The following SPTBN5 variants were observed in gnomAD, a reference collection of about 807,000 sequenced individuals.
SPTBN5 encodes spectrin beta, non-erythrocytic 5.
In SPTBN5, 513 loss-of-function variants were observed where a neutral mutation model predicts 477.6. The observed-to-expected ratio is 1.07, with a 90% CI of 1.00 to 1.16. The LOEUF (loss-of-function observed/expected upper bound fraction) is 1.16, where lower values mean the gene tolerates loss of function less well. Ranked by LOEUF, SPTBN5 falls within the 50% of genes most tolerant of loss-of-function variation. The pLI, the probability that SPTBN5 is intolerant of heterozygous loss-of-function variation, is 0.00. For synonymous variants in SPTBN5, 2,169 were observed against 2,011.7 expected (o/e 1.08, Z -2.09); for missense variants, 5,062 against 4,731.8 (o/e 1.07, Z -2.05).
intron 15 of SPTBN5, 29 bp downstream of exon 15, chr15:41,879,705 C>T (rs770299898): frequency 6.2e-7 from 1 of 1,612,176 alleles, no homozygotes; most frequent in Non-Finnish European, 8.5e-7. Context: ...CTGCCTGCCT[C>T]ACCACCTGCA....
At chr15:41,849,546 G>A (rs770171809) in intron 67 of SPTBN5, among the ~76,000 whole-genome samples, 1 of 152,300 alleles carries the variant, frequency 6.6e-6, no homozygotes, top group East Asian at 1.9e-4. Flanking sequence ...ACTGGGCAGA[G>A]GGAAACCTGG....
At chr15:41,860,319 C>A (rs1225964778) in intron 47 of SPTBN5, among the ~76,000 whole-genome samples, 6 of 152,242 alleles carry the variant, frequency 3.9e-5, no homozygotes, top group African/African-American at 1.4e-4. Flanking sequence ...TCCTCTTGGT[C>A]TCCTAGCATA....
Position 41,860,719 on chromosome 15 carries a change from T to C in SPTBN5, c.7855A>G (p.Lys2619Glu). ...APMEPLLWKH[K>E]MLEWDLEVQA... ...ACCTCCAGGTCCCACTCCAGCATCT[T>C]GTGCTTCCACAGAAGGGGCTCCATG... Residue 2619 changes from lysine to glutamate, a missense_variant, in exon 47 of 68, where the codon AAG (lysine) becomes GAG (glutamate). Physicochemically the swap from Lys to Glu is moderately conservative, Grantham distance 56. Transcript: ENST00000320955. 1 of 1,601,108 alleles carries C rather than the reference T, an allele frequency of 6.2e-7. No homozygotes were observed. The highest frequency in any genetic ancestry group is 1.1e-5 in the South Asian group (1 of 88,204).
intron 3 of SPTBN5, 74 bp from the exon 4 acceptor site, chr15:41,890,279 G>T: frequency 1.0e-6 from 1 of 1,004,562 alleles, no homozygotes; most frequent in Non-Finnish European, 1.5e-6. Flanking sequence ...AAGCTTAGGG[G>T]GCCAGCTGCG....
intron 32 of SPTBN5, 124 bp downstream of exon 32, chr15:41,869,717 C>T (rs954429292): frequency 1.6e-5 from 17 of 1,064,626 alleles, no homozygotes; most frequent in Non-Finnish European, 2.1e-5. Context: ...TGTGCTCGTG[C>T]TCTCCCACCC....
Position 41,879,503 on chromosome 15 carries a change from G to A in SPTBN5, c.2943-4C>T. ...CAGGGCCTCCAGCTGCCCCCACCTG[G>A]GCAGAGGGTACAAGGTTGTCTCCAC... On this transcript the variant is annotated splice_region_variant and splice_polypyrimidine_tract_variant and intron_variant, in intron 15 of 67. Transcript: ENST00000320955. The A allele has an allele frequency of 1.9e-6, 3 of 1,555,828 alleles. No homozygotes were observed. The highest frequency in any genetic ancestry group is 2.6e-6 in the Non-Finnish European group (3 of 1,153,700).
chr15:41,851,778 C>A lies in SPTBN5; in HGVS notation c.10656+1G>T. The A allele has an allele frequency of 1.2e-6, 2 of 1,608,426 alleles. No individual in the cohort carries two copies. Among genetic ancestry groups the A allele is most frequent in the Non-Finnish European group, 1.7e-6 (2 of 1,177,828 alleles). ...TGGAGAAGGAATCTCCAGGCACTCA[C>A]CTGCCTCCCGCCAGGCAGCAGGTGC... On this transcript the variant is annotated splice_donor_variant, in intron 63 of 67. Coordinates refer to ENST00000320955, the MANE Select transcript of SPTBN5 (RefSeq NM_016642.4). LOFTEE classifies it high-confidence loss of function.
intron 20 of SPTBN5, 121 bp downstream of exon 20, chr15:41,876,427 G>C: frequency 7.5e-7 from 1 of 1,331,658 alleles, no homozygotes; most frequent in Non-Finnish European, 1.0e-6. Context: ...CTCACAGAAG[G>C]TGTTGAGAGG....
In SPTBN5 at chr15:41,854,875, A is replaced by C; in HGVS notation, c.9525T>G (p.Gly3175=). 6.2e-7 allele frequency: 1 copy of C among 1,609,086 alleles called. No individual in the cohort carries two copies. The highest frequency in any genetic ancestry group is 8.5e-7 in the Non-Finnish European group (1 of 1,177,628). Residue 3175 remains glycine, a synonymous_variant, in exon 56 of 68, where the codon GGT becomes GGG. Transcript: ENST00000320955. The part of the protein sequence containing the change: ...LRKLAGTLER[G]APRRYPHIQA... Reference sequence around the variant, plus strand: ...GGATGTGGGGATAGCGCCTGGGTGCACCCCGCTCCAGGGTGCCTGCCAACT... The same window carrying C: ...GGATGTGGGGATAGCGCCTGGGTGCCCCCCGCTCCAGGGTGCCTGCCAACT...
In SPTBN5 at chr15:41,853,761, C is replaced by T. The variant is rs1394353049; in HGVS notation, c.9801G>A (p.Glu3267=). The change falls in exon 58 of 68, where the codon GAG becomes GAA. Residue 3267 remains glutamate, a synonymous_variant. Coordinates refer to ENST00000320955, the MANE Select transcript of SPTBN5 (RefSeq NM_016642.4). ...AGGCCTCCGTCTGTAGCCGTGCCAC[C>T]TCCTTCTCCATAGCTTCCAGCTCTC... The part of the protein sequence containing the change: ...LERELEAMEK[E]VARLQTEACR... 2 of 1,575,618 alleles carry T rather than the reference C, an allele frequency of 1.3e-6. No individual in the cohort carries two copies. The highest frequency in any genetic ancestry group is 1.3e-5 in the African/African-American group (1 of 74,132).
In SPTBN5 at chr15:41,858,948, C is replaced by T. The variant is rs760551290; in HGVS notation, c.8021G>A (p.Arg2674His). 4.3e-5 allele frequency: 68 copies of T among 1,588,226 alleles called. No individual in the cohort carries two copies. The highest frequency in any genetic ancestry group is 2.3e-5 in the South Asian group (2 of 88,248). ...KEALFRQAGT[R>H]RHRLEELRQL... ...CCGGAGCTCCTCCAGGCGATGGCGGCGGGTCCCGGCTTGCCTGAAGAGCGC... is the reference window on the plus strand; with the variant it reads ...CCGGAGCTCCTCCAGGCGATGGCGGTGGGTCCCGGCTTGCCTGAAGAGCGC... Residue 2674 changes from arginine (R) to histidine (H), a missense_variant, in exon 48 of 68, where the codon CGC becomes CAC. Coordinates refer to ENST00000320955, the MANE Select transcript of SPTBN5 (RefSeq NM_016642.4).
chr15:41,862,349 C>G, intron 43 of SPTBN5, 57 bp from the exon 44 acceptor site: 1 of 1,544,962 alleles, frequency 6.5e-7, no homozygotes, highest in Non-Finnish European at 8.7e-7. Flanking sequence ...TCCCCCATGC[C>G]CACTGGTGTC....
Position 41,893,533 on chromosome 15 carries a change from A to G in SPTBN5, c.-36T>C. 2 of 1,540,148 alleles carry G rather than the reference A, an allele frequency of 1.3e-6. No individual in the cohort carries two copies. The highest frequency in any genetic ancestry group is 1.7e-6 in the Non-Finnish European group (2 of 1,148,654). The stretch of plus-strand genomic sequence containing the variant: ...GACTTTGGGGATGAGGAGCTGCTGG[A>G]TGGCTCCCTAAACCTGGAGGGCATG... On this transcript the variant is annotated 5_prime_UTR_variant, in exon 2 of 68. Transcript: ENST00000320955.
rs369115315 is a variant in SPTBN5 at position 41,868,555 on chromosome 15, T to A, written c.5900A>T (p.Gln1967Leu). ...SWAARVRQDL[Q>L]VEESSQEPSS... ...AGGCTCTTGCGAACTCTCCTCCACC[T>A]GCAGGTCCTGGCGCACGCGGGCTGC... Residue 1967 changes from glutamine (Q) to leucine (L), a missense_variant, in exon 33 of 68, where the codon CAG becomes CTG. By Grantham distance (113) the Gln-to-Leu change is moderately radical. Transcript: ENST00000320955. 6.2e-7 allele frequency: 1 copy of A among 1,604,134 alleles called. No individual in the cohort carries two copies. Among genetic ancestry groups the A allele is most frequent in the Non-Finnish European group, 8.5e-7 (1 of 1,179,720 alleles).
At position 41,856,918 on chromosome 15, in the gene SPTBN5, G is replaced by A; in HGVS notation, c.8743C>T (p.Leu2915=). 1 of 1,558,942 alleles carries A rather than the reference G, an allele frequency of 6.4e-7. No individual in the cohort carries two copies. Among genetic ancestry groups the A allele is most frequent in the Non-Finnish European group, 8.7e-7 (1 of 1,151,888 alleles). The part of the protein sequence containing the change: ...EMAWVQEKLP[L]AAAQDYGQSL... ...TGGCCATAGTCCTGGGCAGCGGCCA[G>A]AGGCAGCTTCTCCTGCACCCAGGCC... The change falls in exon 52 of 68, where the codon CTG becomes TTG. Residue 2915 remains leucine (L), a synonymous_variant. Coordinates refer to ENST00000320955, the MANE Select transcript of SPTBN5 (RefSeq NM_016642.4).
Position 41,867,017 on chromosome 15 carries a change from C to A in SPTBN5, c.6422G>T (p.Arg2141Leu). Residue 2141 changes from arginine to leucine, a missense_variant, in exon 36 of 68, where the codon CGG becomes CTG. By Grantham distance (102) the Arg-to-Leu change is moderately radical. Coordinates refer to ENST00000320955, the MANE Select transcript of SPTBN5 (RefSeq NM_016642.4). ...RMRVKELAES[R>L]GHALHASLLM... ...CAGGGAGGCATGCAGGGCGTGTCCCCGGCTCTCCGCCAGCTCCTTCACTCT... is the reference window on the plus strand; with the variant it reads ...CAGGGAGGCATGCAGGGCGTGTCCCAGGCTCTCCGCCAGCTCCTTCACTCT... 6.4e-7 allele frequency: 1 copy of A among 1,558,930 alleles called. No individual in the cohort carries two copies. Among genetic ancestry groups the A allele is most frequent in the Non-Finnish European group, 8.7e-7 (1 of 1,151,930 alleles).
intron 66 of SPTBN5, 133 bp from the exon 67 acceptor site, chr15:41,850,092 A>G: frequency 1.1e-5 from 8 of 754,500 alleles, no homozygotes; most frequent in Non-Finnish European, 1.4e-5. Flanking sequence ...GGCCCTTCCC[A>G]CGTGGGGGTG....
At position 41,862,842 on chromosome 15, in the gene SPTBN5, C is replaced by T. The variant is rs778496916; in HGVS notation, c.7211G>A (p.Arg2404Gln). ...TTCCCGCTCCAGCTCCTCGTGTTTC[C>T]GCAGCAGCCTCTGCACGCTCTCCAG... is the stretch of plus-strand genomic sequence containing the variant. ...KDLESVQRLL[R>Q]KHEELEREVH... is the part of the protein sequence containing the mutation. The change falls in exon 42 of 68, where the codon CGG (arginine) becomes CAG (glutamine). Residue 2404 changes from arginine (R) to glutamine (Q), a missense_variant. Coordinates refer to ENST00000320955, the MANE Select transcript of SPTBN5 (RefSeq NM_016642.4). 13 of 1,590,392 alleles carry T rather than the reference C, an allele frequency of 8.2e-6. No individual in the cohort carries two copies. The highest frequency in any genetic ancestry group is 2.3e-5 in the South Asian group (2 of 86,880).
rs1184873739 is a variant in SPTBN5 at position 41,853,702 on chromosome 15, C to G, written c.9860G>C (p.Gly3287Ala). 1 of 1,597,318 alleles carries G rather than the reference C, an allele frequency of 6.3e-7. No individual in the cohort carries two copies. The highest frequency in any genetic ancestry group is 1.7e-5 in the Admixed American group (1 of 58,254). The change falls in exon 58 of 68, where the codon GGG becomes GCG. Residue 3287 changes from glycine (G) to alanine (A), a missense_variant. By Grantham distance (60) the Gly-to-Ala change is moderately conservative. Coordinates refer to ENST00000320955, the MANE Select transcript of SPTBN5 (RefSeq NM_016642.4). ...GGCCTCCTGCACCTTGGCCAGGCCC[C>G]CCGGAGCTGCAGGATGTAGCTGGCC... ...RLGQLHPAAPGGLAKVQEAWA... is the reference protein window; with the variant it reads ...RLGQLHPAAPAGLAKVQEAWA...
Sources: gnomAD v4.1 joint callset for allele counts (sites outside exome capture counted in the v4.1 genomes callset) on GRCh38, gnomAD v4.1.1 for gene constraint, MANE v1.5 for transcripts, NCBI Gene and HGNC (gene_info 2026-07-23, HGNC 2026-07-21) for gene names.